The following HDAC8 variants were observed in gnomAD, a reference collection of about 807,000 sequenced individuals.
HDAC8 encodes the protein histone deacetylase-like 1.
HDAC8 carries 1 observed loss-of-function variant against 32.2 expected under a neutral mutation model. The observed-to-expected ratio is 0.03, with a 90% CI of 0.01 to 0.15. The LOEUF (loss-of-function observed/expected upper bound fraction) is 0.15. Ranked by LOEUF, HDAC8 falls within the 10% of genes least tolerant of loss-of-function variation. HDAC8 has a pLI of 1.00. For synonymous variants in HDAC8, 108 were observed against 113.9 expected, an observed-to-expected ratio of 0.95 and a Z score of 0.33; for missense variants, 117 against 300.0, an observed-to-expected ratio of 0.39 and a Z score of 4.51.
At chrX:72,459,164 C>T (rs1043204384) in intron 9 of HDAC8, among the ~76,000 whole-genome samples, 3 of 111,813 alleles carry the variant, frequency 2.7e-5, no homozygotes, top group Non-Finnish European at 5.6e-5. Flanking sequence ...GTTCTGTCAC[C>T]TTTATTAGAT....
chrX:72,548,644 C>T lies in HDAC8; in HGVS notation c.437+19245G>A, dbSNP rs373507257. On this transcript the variant is annotated intron_variant, in intron 4 of 10. Coordinates refer to ENST00000373573, the MANE Select transcript of HDAC8 (RefSeq NM_018486.3). ...ATCACCTCCTTACTGATAAATCTTA[C>T]GTCATCTCTATAGCACTGTTTCTCA... Among the ~76,000 whole-genome samples the T allele has an allele frequency of 3.6e-5, 4 of 110,492 alleles. No homozygotes were observed. The East Asian group carries it at 8.5e-4, about 23-fold the overall frequency.
chrX:72,517,219 AT>A (rs1273434777), intron 4 of HDAC8, among the ~76,000 whole-genome samples: 17 of 110,215 alleles, frequency 1.5e-4, no homozygotes, highest in Admixed American at 4.8e-4. Context: ...GGCCATTTAT[AT>A]TTTTTTTTGG....
At chrX:72,522,685 T>C (rs1174798198) in intron 4 of HDAC8, among the ~76,000 whole-genome samples, 1 of 112,365 alleles carries the variant, frequency 8.9e-6, no homozygotes, top group African/African-American at 3.2e-5. Context: ...TGCTATAAAT[T>C]GAGGCTTTAT....
intron 9 of HDAC8, among the ~76,000 whole-genome samples, chrX:72,407,622 G>A (rs1555969072): frequency 1.8e-5 from 2 of 111,701 alleles, no homozygotes; most frequent in Non-Finnish European, 1.9e-5. Flanking sequence ...CGAAGTTGGA[G>A]TGATGCAATT....
In HDAC8 at chrX:72,526,036, A is replaced by G. The variant is rs782089687; in HGVS notation, c.438-30768T>C. On this transcript the variant is annotated intron_variant, in intron 4 of 10. Transcript: ENST00000373573. The stretch of plus-strand genomic sequence containing the variant: ...CGTTTGAGCCCAGGAGTTTGAGACC[A>G]GCCTGGGCAACATAGTGAGACCTTG... 2.7e-5 allele frequency among the ~76,000 whole-genome samples: 3 copies of G among 109,726 alleles called. No individual in the cohort carries two copies. The East Asian group carries it at 8.6e-4, about 32-fold the overall frequency.
intron 10 of HDAC8, among the ~76,000 whole-genome samples, chrX:72,350,834 C>A (rs782250623): frequency 8.9e-6 from 1 of 111,804 alleles, no homozygotes; most frequent in Admixed American, 9.4e-5. Context: ...TTCCCCTCTA[C>A]CCCGAGGCCA....
chrX:72,482,052 A>T (rs1275435937), intron 7 of HDAC8, among the ~76,000 whole-genome samples: 1 of 111,793 alleles, frequency 8.9e-6, no homozygotes, highest in Non-Finnish European at 1.9e-5. Flanking sequence ...TAGTGAAAGG[A>T]AACACTTCCC....
At chrX:72,510,326 A>G (rs1190282308) in intron 4 of HDAC8, among the ~76,000 whole-genome samples, 1 of 112,187 alleles carries the variant, frequency 8.9e-6, no homozygotes, top group African/African-American at 3.2e-5. Flanking sequence ...GGAAATAAAT[A>G]CAACAGTAGT....
chrX:72,548,045 C>T (rs1347803042), intron 4 of HDAC8, among the ~76,000 whole-genome samples: 1 of 111,813 alleles, frequency 8.9e-6, no homozygotes, highest in Non-Finnish European at 1.9e-5. Context: ...TTCAGTGGGA[C>T]TGTGATACCT....
At chrX:72,344,465 T>G (rs1297054371) in intron 10 of HDAC8, among the ~76,000 whole-genome samples, 8 of 112,110 alleles carry the variant, frequency 7.1e-5, no homozygotes, top group South Asian at 3.7e-4. Context: ...CCACTTTGTA[T>G]CCTGTTCATA....
At chrX:72,502,299 C>A (rs1258871149) in intron 4 of HDAC8, among the ~76,000 whole-genome samples, 11 of 111,799 alleles carry the variant, frequency 9.8e-5, no homozygotes, top group Non-Finnish European at 3.8e-5. Context: ...ATAAATCATT[C>A]TACTATAAAG....
intron 4 of HDAC8, among the ~76,000 whole-genome samples, chrX:72,557,908 A>G (rs782569798): frequency 3.6e-4 from 40 of 112,038 alleles, no homozygotes; most frequent in African/African-American, 1.2e-3. Flanking sequence ...GAGATATTAC[A>G]ACTGATACCA....
At chrX:72,331,909 C>A (rs1397452564) in intron 10 of HDAC8, among the ~76,000 whole-genome samples, 1 of 112,408 alleles carries the variant, frequency 8.9e-6, no homozygotes, top group Non-Finnish European at 1.9e-5. Flanking sequence ...CCTCCTCTAC[C>A]TCCTTTACAG....
intron 4 of HDAC8, among the ~76,000 whole-genome samples, chrX:72,558,011 C>T (rs1432921450): frequency 9.0e-6 from 1 of 111,581 alleles, no homozygotes; most frequent in African/African-American, 3.3e-5. Flanking sequence ...TGGAAATATA[C>T]AACCCTCCTA....
At chrX:72,387,690 C>T (rs1337527495) in intron 9 of HDAC8, among the ~76,000 whole-genome samples, 1 of 111,934 alleles carries the variant, frequency 8.9e-6, no homozygotes, top group African/African-American at 3.2e-5. Flanking sequence ...ATCTAAAGCA[C>T]TTAAAACAGT....
chrX:72,338,201 G>T (rs2043769078), intron 10 of HDAC8, among the ~76,000 whole-genome samples: 1 of 111,788 alleles, frequency 8.9e-6, no homozygotes, highest in Admixed American at 9.6e-5. Context: ...GACCTTGTCT[G>T]CTGTCTTGGT....
intron 4 of HDAC8, among the ~76,000 whole-genome samples, chrX:72,554,000 C>T (rs1278776326): frequency 9.0e-6 from 1 of 111,164 alleles, no homozygotes; most frequent in Non-Finnish European, 1.9e-5. Context: ...GTTCATTTAT[C>T]TGAGTATTAG....
At chrX:72,457,890 C>T (rs915662676) in intron 9 of HDAC8, among the ~76,000 whole-genome samples, 8 of 110,644 alleles carry the variant, frequency 7.2e-5, no homozygotes, top group African/African-American at 2.6e-4. Flanking sequence ...CATATGTTCC[C>T]TAATATGAAT....
intron 10 of HDAC8, among the ~76,000 whole-genome samples, chrX:72,338,659 A>G (rs868949336): frequency 1.2e-5 from 1 of 80,487 alleles, no homozygotes; most frequent in African/African-American, 4.3e-5. Context: ...ATATATATTT[A>G]TAAATATATA....
Sources: gnomAD v4.1 joint callset for allele counts (sites outside exome capture counted in the v4.1 genomes callset) on GRCh38, gnomAD v4.1.1 for gene constraint, MANE v1.5 for transcripts, NCBI Gene and HGNC (gene_info 2026-07-23, HGNC 2026-07-21) for gene names.